The following TSPAN3 variants were observed in gnomAD, a reference collection of about 807,000 sequenced individuals.
TSPAN3 encodes the protein tetraspanin 3.
TSPAN3 carries 9 observed loss-of-function variants against 31.1 expected under a neutral mutation model. That is an observed-to-expected ratio of 0.29 (90% CI 0.17 to 0.50). TSPAN3 has a LOEUF of 0.50. TSPAN3 is among the 20% of genes least tolerant of loss of function. TSPAN3 has a pLI of 0.98. For synonymous variants in TSPAN3, 129 were observed against 114.3 expected (o/e 1.13, Z -0.82); for missense variants, 252 against 313.5 (o/e 0.80, Z 1.48).
rs1209677279 is a variant in TSPAN3, at chr15:77,044,403, A to C, written c.*2432T>G. 1 of 152,274 alleles carries C rather than the reference A, an allele frequency of 6.6e-6. No individual in the cohort carries two copies. The highest frequency in any genetic ancestry group is 1.5e-5 in the Non-Finnish European group (1 of 68,060). 9.4% of individuals were successfully genotyped at this position (152,274 alleles called of 1,614,324 possible). Reference sequence around the variant, plus strand: ...GAATTTGCATGGCCCTGGCCAACACAGACAACATCCCCTTCTAGTGGTTCC... The same window carrying C: ...GAATTTGCATGGCCCTGGCCAACACCGACAACATCCCCTTCTAGTGGTTCC... On this transcript the variant is annotated 3_prime_UTR_variant, in exon 7 of 7. Coordinates refer to ENST00000267970, the MANE Select transcript of TSPAN3 (RefSeq NM_005724.6).
chr15:77,064,387 C>T (rs939195966), intron 1 of TSPAN3: 1 of 152,044 alleles, frequency 6.6e-6, no homozygotes, highest in African/African-American at 2.4e-5. Flanking sequence ...ATTCTTAGTA[C>T]ACCCGTCTGG....
chr15:77,053,402 C>T (rs932637247), intron 4 of TSPAN3, among the ~76,000 whole-genome samples: 3 of 125,196 alleles, frequency 2.4e-5, no homozygotes, highest in East Asian at 2.5e-4. Context: ...GAGCCAAGAT[C>T]GCGCCACTGC....
intron 1 of TSPAN3, 130 bp from the exon 2 acceptor site, chr15:77,056,385 T>C: frequency 1.6e-6 from 1 of 638,670 alleles, no homozygotes. Context: ...AGCTGAAAAT[T>C]CTATGATTCC....
chr15:77,052,785 A>G lies in TSPAN3; in HGVS notation c.577T>C (p.Tyr193His), dbSNP rs1377680223. 1.2e-6 allele frequency: 2 copies of G among 1,613,838 alleles called. No individual in the cohort carries two copies. The highest frequency in any genetic ancestry group is 1.3e-5 in the African/African-American group (1 of 74,924). ...NGSLAHPSDL[Y>H]AEGCEALVVK... ...GTGGCCAAGAGACTCACCTCAGCATAGAGGTCGGAAGGGTGGGCCAGGCTG... is the reference window on the plus strand; with the variant it reads ...GTGGCCAAGAGACTCACCTCAGCATGGAGGTCGGAAGGGTGGGCCAGGCTG... Residue 193 changes from tyrosine (Y) to histidine (H), a missense_variant, in exon 5 of 7, where the codon TAT (tyrosine) becomes CAT (histidine). Physicochemically the swap from Tyr to His is moderately conservative, Grantham distance 83. Transcript: ENST00000267970.
chr15:77,052,679 G>T, intron 5 of TSPAN3, 98 bp downstream of exon 5: 1 of 1,377,932 alleles, frequency 7.3e-7, no homozygotes, highest in Non-Finnish European at 1.0e-6. Flanking sequence ...TGACATTAAA[G>T]ACAAGCAAGG....
chr15:77,043,251 TTC>T lies in TSPAN3; in HGVS notation c.*3582_*3583del, dbSNP rs1290158432. The T allele has an allele frequency of 6.6e-6, 1 of 152,322 alleles. No individual in the cohort carries two copies. The allele number at this position is 152,322 out of a possible 1,614,324, so 9.4% of individuals were successfully genotyped here. Reference sequence around the variant, plus strand: ...AACCTCCTCTGAGTTTCCACGTTCCTTCTCTGTTTTCTCTTCCCTTAGCCCTA... The same window carrying T: ...AACCTCCTCTGAGTTTCCACGTTCCTTCTGTTTTCTCTTCCCTTAGCCCTA... On this transcript the variant is annotated 3_prime_UTR_variant, in exon 7 of 7. Transcript: ENST00000267970.
Position 77,042,012 on chromosome 15 carries a change from G to A in TSPAN3, c.*4823C>T, listed in dbSNP as rs1019702854. 12 of 152,184 alleles carry A rather than the reference G, an allele frequency of 7.9e-5. No individual in the cohort carries two copies. The highest frequency in any genetic ancestry group is 2.7e-4 in the African/African-American group (11 of 41,444). The allele number at this position is 152,184 out of a possible 1,614,324, so 9.4% of individuals were successfully genotyped here. ...CCTTTATACACCTTGGTTAATCATG[G>A]TACTAATGTACCCACACAGCTAACA... On this transcript the variant is annotated 3_prime_UTR_variant, in exon 7 of 7. Coordinates refer to ENST00000267970, the MANE Select transcript of TSPAN3 (RefSeq NM_005724.6).
chr15:77,050,311 T>G (rs901721896), intron 6 of TSPAN3, among the ~76,000 whole-genome samples: 1 of 152,112 alleles, frequency 6.6e-6, no homozygotes, highest in Non-Finnish European at 1.5e-5. Flanking sequence ...AACCACTAGG[T>G]TTTGAGTCTG....
intron 6 of TSPAN3, among the ~76,000 whole-genome samples, chr15:77,048,306 T>C (rs542434405): frequency 7.8e-4 from 119 of 152,256 alleles, no homozygotes; most frequent in African/African-American, 2.8e-3. Flanking sequence ...AATGTTAAAT[T>C]GAGCAATAAA....
intron 1 of TSPAN3, among the ~76,000 whole-genome samples, chr15:77,068,598 G>T (rs2076847740): frequency 6.6e-6 from 1 of 152,138 alleles, no homozygotes; most frequent in Non-Finnish European, 1.5e-5. Context: ...AGAGTACAAA[G>T]CCACATCTTT....
chr15:77,059,091 T>C (rs1221578473), intron 1 of TSPAN3, among the ~76,000 whole-genome samples: 1 of 152,180 alleles, frequency 6.6e-6, no homozygotes, highest in Non-Finnish European at 1.5e-5. Context: ...TTTTATTTTA[T>C]TTATTTTTTG....
chr15:77,051,345 T>C (rs1169263890), intron 6 of TSPAN3, among the ~76,000 whole-genome samples: 1 of 151,858 alleles, frequency 6.6e-6, no homozygotes, highest in Non-Finnish European at 1.5e-5. Flanking sequence ...CTGGCCAACA[T>C]GGTAAAAACC....
intron 1 of TSPAN3, among the ~76,000 whole-genome samples, chr15:77,068,722 T>C (rs901117943): frequency 5.3e-5 from 8 of 152,218 alleles, no homozygotes. Flanking sequence ...AAAAAATAAG[T>C]GAGAACACAC....
intron 1 of TSPAN3, among the ~76,000 whole-genome samples, chr15:77,058,071 G>C (rs1259633697): frequency 6.6e-6 from 1 of 151,884 alleles, no homozygotes; most frequent in Non-Finnish European, 1.5e-5. Context: ...AACATTATTC[G>C]AATACCTCAA....
In TSPAN3 at chr15:77,070,776, GCCCGCGCGCGGCC is replaced by G. The variant is rs907742880; in HGVS notation, c.63+103_63+115del. On this transcript the variant is annotated intron_variant, in intron 1 of 6. Coordinates refer to ENST00000267970, the MANE Select transcript of TSPAN3 (RefSeq NM_005724.6). ...CTCCCCTCGCCTCAGCCGCCTGAGG[GCCCGCGCGCGGCC>G]CCCGCGCGCCCGCCCAGGCCCAAGC... 1.4e-5 allele frequency: 6 copies of G among 433,898 alleles called. 1 individual carries two copies. The highest frequency in any genetic ancestry group is 4.3e-5 in the African/African-American group (2 of 46,148). 26.9% of individuals were successfully genotyped at this position (433,898 alleles called of 1,614,324 possible).
intron 1 of TSPAN3, among the ~76,000 whole-genome samples, chr15:77,057,005 C>T (rs1229197987): frequency 1.3e-5 from 2 of 152,148 alleles, no homozygotes; most frequent in Non-Finnish European, 2.9e-5. Context: ...CTTCTTGGAG[C>T]GCACTCTGAG....
chr15:77,069,219 G>T (rs1295875099), intron 1 of TSPAN3, among the ~76,000 whole-genome samples: 1 of 152,142 alleles, frequency 6.6e-6, no homozygotes, highest in South Asian at 2.1e-4. Context: ...GAGAATTAAT[G>T]ACTTAATCAT....
intron 1 of TSPAN3, among the ~76,000 whole-genome samples, chr15:77,068,734 G>A (rs992948021): frequency 3.9e-5 from 6 of 152,182 alleles, no homozygotes; most frequent in East Asian, 1.9e-4. Flanking sequence ...AGAACACACG[G>A]TGCTTGGTTT....
At chr15:77,047,079 G>C in intron 6 of TSPAN3, 152 bp from the exon 7 acceptor site, 1 of 585,580 alleles carries the variant, frequency 1.7e-6, no homozygotes, top group Non-Finnish European at 3.0e-6. Flanking sequence ...AATTTCTTAT[G>C]AGTACATTAT....
Sources: allele counts gnomAD v4.1 joint callset (sites outside exome capture counted in the v4.1 genomes callset), GRCh38; gene constraint gnomAD v4.1.1; transcripts MANE v1.5; gene names NCBI Gene and HGNC (gene_info 2026-07-23, HGNC 2026-07-21).